Variants in STIM2 observed in about 807,000 individuals in gnomAD.
The protein encoded by STIM2 is stromal interaction molecule 2.
STIM2 carries 31 observed loss-of-function variants against 85.8 expected under a neutral mutation model. That is an observed-to-expected ratio of 0.36 (90% CI 0.27 to 0.49). The LOEUF (loss-of-function observed/expected upper bound fraction) is 0.49. Among genes scored for constraint, STIM2 ranks in the 20% least tolerant of loss-of-function variants. The pLI is 0.98. For missense variants in STIM2, 841 were observed against 927.6 expected, an observed-to-expected ratio of 0.91 and a Z score of 1.21; for synonymous variants, 356 against 331.1, an observed-to-expected ratio of 1.08 and a Z score of -0.82.
intron 1 of STIM2, among the ~76,000 whole-genome samples, chr4:26,872,088 T>G (rs1328939424): frequency 6.6e-6 from 1 of 152,238 alleles, no homozygotes; most frequent in Non-Finnish European, 1.5e-5. Context: ...ATTATTCTTT[T>G]TATCTATAGA....
intron 3 of STIM2, among the ~76,000 whole-genome samples, chr4:26,994,969 G>A (rs551154273): frequency 5.9e-5 from 9 of 152,138 alleles, no homozygotes; most frequent in East Asian, 3.9e-4. Context: ...GACTTTATCC[G>A]TTTTATTCAC....
intron 3 of STIM2, among the ~76,000 whole-genome samples, chr4:26,985,557 T>A (rs1727552323): frequency 6.6e-6 from 1 of 152,216 alleles, no homozygotes; most frequent in African/African-American, 2.4e-5. Context: ...TTAAATATAT[T>A]TACTTTTATT....
At chr4:26,944,499 C>T (rs556915502) in intron 2 of STIM2, among the ~76,000 whole-genome samples, 20 of 152,188 alleles carry the variant, frequency 1.3e-4, no homozygotes, top group Non-Finnish European at 2.2e-4. Flanking sequence ...AATAGATACT[C>T]AGTAAATATT....
intron 7 of STIM2, among the ~76,000 whole-genome samples, chr4:27,004,806 C>T (rs547159530): frequency 3.9e-5 from 6 of 152,176 alleles, no homozygotes; most frequent in Non-Finnish European, 8.8e-5. Context: ...TTAAAAAGAA[C>T]ACTGTCTGGC....
In STIM2 at chr4:26,914,310, T is replaced by A. The variant is rs73813219; in HGVS notation, c.152-5194T>A. 4.0e-3 allele frequency among the ~76,000 whole-genome samples: 602 copies of A among 152,332 alleles called. 6 individuals carry two copies. The highest frequency in any genetic ancestry group is 0.014 in the African/African-American group (567 of 41,572). On this transcript the variant is annotated intron_variant, in intron 1 of 11. Coordinates refer to ENST00000467087, the MANE Select transcript of STIM2 (RefSeq NM_020860.4). ...GCAATATAAATACAAGGATGCTCCA[T>A]ATTCATAGTTATTATCACCCTTTTG...
intron 5 of STIM2, among the ~76,000 whole-genome samples, chr4:27,000,664 A>G (rs1183894641): frequency 6.6e-6 from 1 of 152,244 alleles, no homozygotes; most frequent in Non-Finnish European, 1.5e-5. Context: ...AAGATTGTAA[A>G]CAAATATTTA....
chr4:26,989,303 G>A (rs1727683438), intron 3 of STIM2, among the ~76,000 whole-genome samples: 2 of 152,098 alleles, frequency 1.3e-5, no homozygotes, highest in African/African-American at 4.8e-5. Flanking sequence ...TGCAAGGACT[G>A]TTCAACACAC....
intron 1 of STIM2, among the ~76,000 whole-genome samples, chr4:26,866,865 A>G (rs1722428568): frequency 6.6e-6 from 1 of 152,238 alleles, no homozygotes; most frequent in Admixed American, 6.5e-5. Context: ...CATATATTTT[A>G]ATTTTTAAGG....
chr4:26,896,980 TC>T (rs747269140), intron 1 of STIM2, among the ~76,000 whole-genome samples: 1 of 152,238 alleles, frequency 6.6e-6, no homozygotes, highest in Non-Finnish European at 1.5e-5. Flanking sequence ...CCCTTTTCAT[TC>T]AGCATAATAC....
chr4:26,920,446 G>A lies in STIM2; in HGVS notation c.282+812G>A, dbSNP rs1008692112. Among the ~76,000 whole-genome samples the A allele has an allele frequency of 2.0e-5, 3 of 152,250 alleles. No individual in the cohort carries two copies. The East Asian group carries it at 5.8e-4, about 29-fold the overall frequency. On this transcript the variant is annotated intron_variant, in intron 2 of 11. Coordinates refer to ENST00000467087, the MANE Select transcript of STIM2 (RefSeq NM_020860.4). ...TTTCTGTCTTAGTTTCTCCCTAAAAGTTGGCTTCTTTGAGTGTTGTCTCAT... is the reference window on the plus strand; with the variant it reads ...TTTCTGTCTTAGTTTCTCCCTAAAAATTGGCTTCTTTGAGTGTTGTCTCAT...
At chr4:26,894,385 TTTCTA>T (rs1309623688) in intron 1 of STIM2, among the ~76,000 whole-genome samples, 1 of 152,170 alleles carries the variant, frequency 6.6e-6, no homozygotes, top group Non-Finnish European at 1.5e-5. Flanking sequence ...AAGTAATCCT[TTTCTA>T]TTCTGTCTTT....
At chr4:26,997,097 A>G (rs1266263238) in intron 4 of STIM2, among the ~76,000 whole-genome samples, 3 of 152,142 alleles carry the variant, frequency 2.0e-5, no homozygotes, top group Non-Finnish European at 4.4e-5. Flanking sequence ...GAGAACAGTA[A>G]ACTCTTCCTT....
intron 5 of STIM2, among the ~76,000 whole-genome samples, chr4:27,000,992 C>T (rs1728131341): frequency 6.6e-6 from 1 of 152,140 alleles, no homozygotes; most frequent in Admixed American, 6.5e-5. Context: ...TAGCTTTCAG[C>T]AGTACATTTC....
intron 3 of STIM2, among the ~76,000 whole-genome samples, chr4:26,987,283 A>G: frequency 6.6e-6 from 1 of 152,160 alleles, no homozygotes; most frequent in East Asian, 1.9e-4. Context: ...TTAAGTGCTG[A>G]TCCAAAATAG....
At chr4:26,882,636 A>G (rs1723055712) in intron 1 of STIM2, among the ~76,000 whole-genome samples, 1 of 147,964 alleles carries the variant, frequency 6.8e-6, no homozygotes, top group South Asian at 2.2e-4. Context: ...TAATTTTTGT[A>G]TTTTTTGTAG....
Position 26,872,990 on chromosome 4 carries a change from A to AT in STIM2, c.151+11625dup, listed in dbSNP as rs551176848. On this transcript the variant is annotated intron_variant, in intron 1 of 11. Coordinates refer to ENST00000467087, the MANE Select transcript of STIM2 (RefSeq NM_020860.4). ...TTATTTGAAGAAATGAAAGAGTATC[A>AT]TTTTGACCCAGCATCTTGAGGGAGG... 4.4e-3 allele frequency among the ~76,000 whole-genome samples: 670 copies of AT among 152,302 alleles called. 8 individuals carry two copies. Among genetic ancestry groups the AT allele is most frequent in the African/African-American group, 0.016 (649 of 41,572 alleles).
chr4:26,931,104 A>T (rs937797382), intron 2 of STIM2, among the ~76,000 whole-genome samples: 2 of 152,198 alleles, frequency 1.3e-5, no homozygotes, highest in African/African-American at 4.8e-5. Flanking sequence ...TTTCTGCCGT[A>T]TAAGTCTCTC....
At chr4:26,919,690 T>C (rs1724726347) in intron 2 of STIM2, 56 bp downstream of exon 2, 3 of 1,576,692 alleles carry the variant, frequency 1.9e-6, no homozygotes, top group African/African-American at 1.4e-5. Flanking sequence ...ACTGCATTTC[T>C]GTTTCTGGTC....
At chr4:27,004,233 C>T (rs564841581) in intron 7 of STIM2, among the ~76,000 whole-genome samples, 1 of 152,282 alleles carries the variant, frequency 6.6e-6, no homozygotes, top group East Asian at 1.9e-4. Context: ...ACCACTCCTT[C>T]TCTCACACCC....
Sources: allele counts gnomAD v4.1 joint callset (sites outside exome capture counted in the v4.1 genomes callset), GRCh38; gene constraint gnomAD v4.1.1; transcripts MANE v1.5; gene names NCBI Gene and HGNC (gene_info 2026-07-23, HGNC 2026-07-21).